The following FGF12 variants were observed in gnomAD, a reference collection of about 807,000 sequenced individuals.
The protein encoded by FGF12 is fibroblast growth factor 12, also known as fibroblast growth factor 12B.
Under a neutral mutation model 23.6 loss-of-function variants are expected in FGF12, and 14 were observed. The ratio of observed to expected loss-of-function variants is 0.59; its 90% confidence interval spans 0.39 to 0.93. FGF12 has a LOEUF of 0.93. Ranked by LOEUF, FGF12 falls within the 40% of genes least tolerant of loss-of-function variation. The pLI is 0.00. For synonymous variants in FGF12, 62 were observed against 77.3 expected (o/e 0.80, Z 1.04); for missense variants, 175 against 217.8 (o/e 0.80, Z 1.24).
intron 2 of FGF12, among the ~76,000 whole-genome samples, chr3:192,498,182 T>C (rs1724018364): frequency 1.3e-5 from 2 of 152,156 alleles, no homozygotes; most frequent in Non-Finnish European, 1.5e-5. Flanking sequence ...CTCCTGTGGA[T>C]AATTATTCTT....
At chr3:192,359,297 T>A (rs1201754602) in intron 3 of FGF12, among the ~76,000 whole-genome samples, 1 of 152,222 alleles carries the variant, frequency 6.6e-6, no homozygotes, top group Non-Finnish European at 1.5e-5. Flanking sequence ...AAGGGCATTT[T>A]CATTCATTAG....
At chr3:192,171,482 C>T (rs1486828180) in intron 4 of FGF12, among the ~76,000 whole-genome samples, 1 of 152,180 alleles carries the variant, frequency 6.6e-6, no homozygotes, top group Non-Finnish European at 1.5e-5. Context: ...CTCTCAGGCT[C>T]ACCTTTTCTG....
At chr3:192,212,788 G>GC (rs1718001715) in intron 4 of FGF12, among the ~76,000 whole-genome samples, 1 of 59,238 alleles carries the variant, frequency 1.7e-5, no homozygotes, top group African/African-American at 7.2e-5. Flanking sequence ...CACAAAAATG[G>GC]GGGGGGGGTT....
In FGF12 at chr3:192,408,050, G is replaced by T; in HGVS notation, c.14-47512C>A. 6.2e-7 allele frequency: 1 copy of T among 1,612,092 alleles called. No homozygotes were observed. ...CTGGTCTCCGCCTCACCGGCCTCTT[G>T]CGGCCGCTGCAGAAGCGCACTTTGC... On this transcript the variant is annotated intron_variant, in intron 2 of 5. Transcript: ENST00000445105. The surrounding 1 kb of genome is among the most constrained non-coding windows in gnomAD (Gnocchi z 7.3).
At chr3:192,541,684 C>T (rs1439871975) in intron 2 of FGF12, among the ~76,000 whole-genome samples, 2 of 152,026 alleles carry the variant, frequency 1.3e-5, no homozygotes, top group East Asian at 3.9e-4. Flanking sequence ...CTGAAGAACT[C>T]CCTTACATTT....
intron 2 of FGF12, among the ~76,000 whole-genome samples, chr3:192,714,770 G>T (rs1470882373): frequency 6.6e-6 from 1 of 151,980 alleles, no homozygotes; most frequent in Admixed American, 6.6e-5. Flanking sequence ...CGCCCGCCTC[G>T]GCCTCCCAAA....
chr3:192,190,210 A>G (rs1452373671), intron 4 of FGF12, among the ~76,000 whole-genome samples: 1 of 152,202 alleles, frequency 6.6e-6, no homozygotes. Flanking sequence ...TTATATAACA[A>G]TACATCTTCC....
At chr3:192,286,915 C>G (rs1290935837) in intron 4 of FGF12, among the ~76,000 whole-genome samples, 1 of 151,922 alleles carries the variant, frequency 6.6e-6, no homozygotes, top group African/African-American at 2.4e-5. Context: ...AATATGTCAG[C>G]CTTTCAAAAT....
At chr3:192,199,933 C>T (rs149664235) in intron 4 of FGF12, among the ~76,000 whole-genome samples, 28 of 152,218 alleles carry the variant, frequency 1.8e-4, no homozygotes, top group African/African-American at 6.5e-4. Flanking sequence ...CATGTACTTG[C>T]TCAGGGATTT....
At chr3:192,246,914 GAA>G (rs1487516047) in intron 4 of FGF12, among the ~76,000 whole-genome samples, 1 of 111,920 alleles carries the variant, frequency 8.9e-6, no homozygotes, top group Admixed American at 9.5e-5. Flanking sequence ...GAAAGAAAGA[GAA>G]AAAGAAAGAA....
chr3:192,358,868 G>A (rs929453870), intron 3 of FGF12, among the ~76,000 whole-genome samples: 5 of 152,054 alleles, frequency 3.3e-5, no homozygotes, highest in African/African-American at 1.2e-4. Context: ...CAGGGATGTT[G>A]ATATATCATC....
intron 2 of FGF12, among the ~76,000 whole-genome samples, chr3:192,653,366 A>C (rs1288769051): frequency 6.6e-6 from 1 of 152,100 alleles, no homozygotes; most frequent in Non-Finnish European, 1.5e-5. Context: ...CATCCCCAGG[A>C]GTTTCTCTGG....
intron 2 of FGF12, among the ~76,000 whole-genome samples, chr3:192,626,652 A>G (rs891056896): frequency 3.3e-5 from 5 of 152,162 alleles, no homozygotes; most frequent in Non-Finnish European, 5.9e-5. Flanking sequence ...TTGCTCTGTC[A>G]CCCAGGCTGA....
intron 2 of FGF12, among the ~76,000 whole-genome samples, chr3:192,552,004 T>C (rs757333238): frequency 6.6e-6 from 1 of 152,030 alleles, no homozygotes; most frequent in Non-Finnish European, 1.5e-5. Context: ...TGTAGAGATA[T>C]AGATATAAAC....
chr3:192,597,841 G>A (rs1225245087), intron 2 of FGF12, among the ~76,000 whole-genome samples: 2 of 152,212 alleles, frequency 1.3e-5, no homozygotes, highest in Non-Finnish European at 2.9e-5. Flanking sequence ...AAAAGAGGGG[G>A]CCTAAACTGG....
intron 2 of FGF12, among the ~76,000 whole-genome samples, chr3:192,666,523 A>G (rs1477696735): frequency 1.3e-5 from 2 of 152,246 alleles, no homozygotes; most frequent in Non-Finnish European, 2.9e-5. Flanking sequence ...AAGTGCCACT[A>G]TGAAACACAG....
At chr3:192,564,740 G>A (rs543329229) in intron 2 of FGF12, among the ~76,000 whole-genome samples, 2 of 152,170 alleles carry the variant, frequency 1.3e-5, no homozygotes, top group African/African-American at 4.8e-5. Context: ...TTGACATTCT[G>A]CATTCCACTG....
intron 4 of FGF12, among the ~76,000 whole-genome samples, chr3:192,280,254 G>C (rs1714065714): frequency 6.6e-6 from 1 of 151,966 alleles, no homozygotes; most frequent in Admixed American, 6.6e-5. Flanking sequence ...TTAGTTAATG[G>C]AGCAGATAAC....
At chr3:192,308,801 G>A (rs1186555991) in intron 4 of FGF12, among the ~76,000 whole-genome samples, 3 of 152,094 alleles carry the variant, frequency 2.0e-5, no homozygotes, top group African/African-American at 7.2e-5. Flanking sequence ...ATTGGGTAGG[G>A]GAAAGATTAC....
Sources: allele counts gnomAD v4.1 joint callset (sites outside exome capture counted in the v4.1 genomes callset), GRCh38; gene constraint gnomAD v4.1.1; non-coding constraint Gnocchi (gnomAD v3.1); transcripts MANE v1.5; gene names NCBI Gene and HGNC (gene_info 2026-07-23, HGNC 2026-07-21).